The following FUT8 variants were observed in gnomAD, a reference collection of about 807,000 sequenced individuals.
FUT8 encodes alpha-(1,6)-fucosyltransferase.
In FUT8, 29 loss-of-function variants were observed where a neutral mutation model predicts 71.3. That is an observed-to-expected ratio of 0.41 (90% CI 0.30 to 0.55). The LOEUF (loss-of-function observed/expected upper bound fraction) is 0.55. Among genes scored for constraint, FUT8 ranks in the 20% least tolerant of loss-of-function variants. FUT8 has a pLI of 0.34. For missense variants in FUT8, 544 were observed against 702.1 expected (o/e 0.77, Z 2.55); for synonymous variants, 254 against 239.3 (o/e 1.06, Z -0.57).
chr14:65,733,675 A>C (rs1472756548), intron 10 of FUT8, among the ~76,000 whole-genome samples: 2 of 152,206 alleles, frequency 1.3e-5, no homozygotes, highest in Non-Finnish European at 2.9e-5. Flanking sequence ...AACAGAAACA[A>C]CAAGTAATTA....
At chr14:65,611,288 CACACACACACACA>C (rs1888973303) in intron 3 of FUT8, among the ~76,000 whole-genome samples, 5 of 42,890 alleles carry the variant, frequency 1.2e-4, no homozygotes, top group African/African-American at 3.9e-4. Flanking sequence ...CACACACACA[CACACACACACACA>C]CCCCCCAAGT....
chr14:65,633,004 T>TCCCCCCC (rs376298224), intron 6 of FUT8, among the ~76,000 whole-genome samples: 16 of 78,054 alleles, frequency 2.0e-4, no homozygotes, highest in South Asian at 8.8e-4. Flanking sequence ...CCCTCTCCCC[T>TCCCCCCC]CCCCCCCCCC....
intron 2 of FUT8, among the ~76,000 whole-genome samples, chr14:65,527,323 A>G (rs571202344): frequency 7.6e-4 from 116 of 152,242 alleles, no homozygotes; most frequent in Admixed American, 1.4e-3. Context: ...TTGATCTTCA[A>G]TCACTGATAC....
intron 2 of FUT8, among the ~76,000 whole-genome samples, chr14:65,542,495 A>G (rs1051059459): frequency 6.6e-6 from 1 of 152,176 alleles, no homozygotes; most frequent in African/African-American, 2.4e-5. Context: ...TTTGTGAGAT[A>G]TATACTCTAT....
At chr14:65,597,728 T>C (rs1310057112) in intron 3 of FUT8, among the ~76,000 whole-genome samples, 2 of 151,940 alleles carry the variant, frequency 1.3e-5, no homozygotes, top group South Asian at 4.2e-4. Context: ...TTTTGGAGGC[T>C]TGGAAACTCT....
intron 2 of FUT8, among the ~76,000 whole-genome samples, chr14:65,542,014 T>C (rs1320771836): frequency 6.6e-6 from 1 of 152,204 alleles, no homozygotes; most frequent in Non-Finnish European, 1.5e-5. Flanking sequence ...GGAAGTTATT[T>C]AAATTCAGCG....
chr14:65,388,258 T>A, the FUT8 span, among the ~76,000 whole-genome samples: 1 of 152,176 alleles, frequency 6.6e-6, no homozygotes, highest in Non-Finnish European at 1.5e-5. Context: ...ATACCAATCC[T>A]ACAGTACACA....
intron 3 of FUT8, among the ~76,000 whole-genome samples, chr14:65,580,530 C>T (rs1379305700): frequency 1.3e-5 from 2 of 151,836 alleles, no homozygotes; most frequent in African/African-American, 4.8e-5. Context: ...TATACACAGA[C>T]ACGCACATAC....
At chr14:65,499,682 G>A (rs2066614917) in intron 2 of FUT8, among the ~76,000 whole-genome samples, 1 of 151,820 alleles carries the variant, frequency 6.6e-6, no homozygotes, top group Admixed American at 6.6e-5. Context: ...GTGCGGTGGT[G>A]TGTGCCTGTA....
intron 2 of FUT8, among the ~76,000 whole-genome samples, chr14:65,471,528 C>T (rs2066146950): frequency 6.6e-6 from 1 of 151,910 alleles, no homozygotes; most frequent in Admixed American, 6.6e-5. Flanking sequence ...AAGACTGGTC[C>T]CCTTACAGTT....
intron 6 of FUT8, among the ~76,000 whole-genome samples, chr14:65,639,990 G>A (rs571945780): frequency 1.2e-4 from 19 of 152,200 alleles, no homozygotes; most frequent in African/African-American, 4.6e-4. Flanking sequence ...ACATTTTAAT[G>A]TGCCATTTAA....
chr14:65,738,150 A>C (rs556585451), intron 10 of FUT8, among the ~76,000 whole-genome samples: 1 of 152,238 alleles, frequency 6.6e-6, no homozygotes, highest in African/African-American at 2.4e-5. Context: ...TGCAGCTGTT[A>C]CTGCATTAAT....
chr14:65,379,461 C>T, the FUT8 span, among the ~76,000 whole-genome samples: 31 of 151,788 alleles, frequency 2.0e-4, no homozygotes, highest in African/African-American at 6.3e-4. Context: ...TCCTGGGAGG[C>T]GGAGGTTGCA....
intron 3 of FUT8, among the ~76,000 whole-genome samples, chr14:65,611,260 CA>C (rs1888949377): frequency 2.5e-5 from 2 of 79,182 alleles, no homozygotes; most frequent in Admixed American, 1.3e-4. Context: ...CACACACACA[CA>C]CACACACACA....
At chr14:65,432,754 C>T (rs557999716) in intron 1 of FUT8, among the ~76,000 whole-genome samples, 12 of 152,264 alleles carry the variant, frequency 7.9e-5, no homozygotes, top group Admixed American at 7.2e-4. Context: ...TCCATTAGCA[C>T]CGCTCTATGA....
At chr14:65,598,478 C>G (rs1374742128) in intron 3 of FUT8, among the ~76,000 whole-genome samples, 1 of 152,160 alleles carries the variant, frequency 6.6e-6, no homozygotes, top group African/African-American at 2.4e-5. Flanking sequence ...GCCTCGGCCT[C>G]CCAAAGTGCT....
chr14:65,643,192 T>A lies in FUT8; in HGVS notation c.597+13586T>A, dbSNP rs563796386. ...AAGGAATTTTTTTAATTCCTGAGAG[T>A]ACACTCACTAAGCTGACAGCATTTT... On this transcript the variant is annotated intron_variant, in intron 6 of 10. Coordinates refer to ENST00000673929, the MANE Select transcript of FUT8 (RefSeq NM_001371533.1). This position sits in a 1 kb window ranked among gnomAD's most constrained non-coding sequence, Gnocchi z 4.5. 6.6e-6 allele frequency among the ~76,000 whole-genome samples: 1 copy of A among 152,300 alleles called. No individual in the cohort carries two copies. Among genetic ancestry groups the A allele is most frequent in the Non-Finnish European group, 1.5e-5 (1 of 68,030 alleles).
chr14:65,563,505 T>C (rs984800250), intron 3 of FUT8, among the ~76,000 whole-genome samples: 1 of 152,006 alleles, frequency 6.6e-6, no homozygotes, highest in Non-Finnish European at 1.5e-5. Flanking sequence ...TGTATTGCCT[T>C]CCTGAGCAGA....
chr14:65,564,828 A>G (rs530842660), intron 3 of FUT8, among the ~76,000 whole-genome samples: 1 of 152,104 alleles, frequency 6.6e-6, no homozygotes, highest in South Asian at 2.1e-4. Context: ...TTTGAGTTTC[A>G]TCAATACTAT....
Sources: gnomAD v4.1 joint callset for allele counts (sites outside exome capture counted in the v4.1 genomes callset) on GRCh38, gnomAD v4.1.1 for gene constraint, Gnocchi (gnomAD v3.1) non-coding constraint, MANE v1.5 for transcripts, NCBI Gene and HGNC (gene_info 2026-07-23, HGNC 2026-07-21) for gene names.